VPS8: variants seen among roughly 807,000 people sequenced by gnomAD.
VPS8 encodes the protein VPS8 subunit of CORVET complex.
In VPS8, 129 loss-of-function variants were observed where a neutral mutation model predicts 216.4. That is an observed-to-expected ratio of 0.60 (90% CI 0.52 to 0.69). VPS8 has a LOEUF of 0.69. VPS8 is among the 30% of genes least tolerant of loss of function. The pLI is 0.00. For missense variants in VPS8, 1,531 were observed against 1,683.5 expected, an observed-to-expected ratio of 0.91 and a Z score of 1.59; for synonymous variants, 571 against 565.4, an observed-to-expected ratio of 1.01 and a Z score of -0.14.
intron 8 of VPS8, among the ~76,000 whole-genome samples, chr3:184,845,040 TA>T (rs1313689704): frequency 6.6e-6 from 1 of 152,238 alleles, no homozygotes; most frequent in Non-Finnish European, 1.5e-5. Flanking sequence ...TTGACAGTAG[TA>T]ACCAAATATA....
At chr3:184,951,401 C>T (rs576179628) in intron 36 of VPS8, among the ~76,000 whole-genome samples, 4 of 151,620 alleles carry the variant, frequency 2.6e-5, no homozygotes, top group Non-Finnish European at 4.4e-5. Context: ...GGGAGGATCA[C>T]TGGAGCCCAG....
chr3:185,028,204 A>G (rs1239803339), intron 46 of VPS8, among the ~76,000 whole-genome samples: 1 of 152,172 alleles, frequency 6.6e-6, no homozygotes, highest in South Asian at 2.1e-4. Context: ...TACATAGCAC[A>G]TACTTATTAT....
chr3:184,955,496 C>T (rs998494932), intron 36 of VPS8, among the ~76,000 whole-genome samples: 2 of 151,930 alleles, frequency 1.3e-5, no homozygotes, highest in Admixed American at 6.6e-5. Flanking sequence ...ACCCTGCGCC[C>T]CCTCGTCTTG....
intron 40 of VPS8, among the ~76,000 whole-genome samples, chr3:184,977,583 G>C (rs906701279): frequency 1.3e-5 from 2 of 152,024 alleles, no homozygotes; most frequent in Non-Finnish European, 2.9e-5. Flanking sequence ...TTTATACTCT[G>C]AGGTCTTACA....
chr3:184,817,444 G>A (rs1716576811), intron 1 of VPS8: 1 of 152,148 alleles, frequency 6.6e-6, no homozygotes, highest in African/African-American at 2.4e-5. Flanking sequence ...ATTACAATGT[G>A]GTAAGTGTAG....
At position 185,051,949 on chromosome 3, in the gene VPS8, C is replaced by T; in HGVS notation, c.4211C>T (p.Ala1404Val). ...AGGCCATTCAGTGGCTCGCAGAGTGCTCCTGCTTTCAACAGCATCTTCCAG... is the reference window on the plus strand; with the variant it reads ...AGGCCATTCAGTGGCTCGCAGAGTGTTCCTGCTTTCAACAGCATCTTCCAG... Reference protein sequence around the residue: ...SYRPFSGSQSAPAFNSIFQNE... With the variant: ...SYRPFSGSQSVPAFNSIFQNE... The change falls in exon 48 of 48, where the codon GCT becomes GTT. Residue 1404 changes from alanine (A) to valine (V), a missense_variant. Around this residue, in one of 3 missense-constraint regions of VPS8, gnomAD observed 1,318 missense variants for 1,468.4 expected, o/e 0.90. Coordinates refer to ENST00000625842, the MANE Select transcript of VPS8 (RefSeq NM_001009921.3). 6.2e-7 allele frequency: 1 copy of T among 1,613,600 alleles called. No individual in the cohort carries two copies. Among genetic ancestry groups the T allele is most frequent in the Non-Finnish European group, 8.5e-7 (1 of 1,179,758 alleles).
intron 4 of VPS8, among the ~76,000 whole-genome samples, chr3:184,833,911 T>G (rs1720524157): frequency 6.6e-6 from 1 of 152,240 alleles, no homozygotes; most frequent in East Asian, 1.9e-4. Flanking sequence ...ACATTTATCC[T>G]TTAGAGTTAC....
intron 35 of VPS8, among the ~76,000 whole-genome samples, chr3:184,939,288 A>G (rs1335060684): frequency 6.6e-6 from 1 of 152,062 alleles, no homozygotes; most frequent in African/African-American, 2.4e-5. Context: ...TAGTGAAAAA[A>G]TAGAAAATCA....
chr3:184,970,521 G>A (rs1748234509), intron 39 of VPS8, among the ~76,000 whole-genome samples: 1 of 152,148 alleles, frequency 6.6e-6, no homozygotes, highest in Admixed American at 6.5e-5. Context: ...GGATAAATAG[G>A]AGTTTGATAG....
At chr3:184,943,284 G>GA (rs1292295693) in intron 36 of VPS8, among the ~76,000 whole-genome samples, 2 of 152,174 alleles carry the variant, frequency 1.3e-5, no homozygotes, top group Non-Finnish European at 2.9e-5. Flanking sequence ...AAAAGATGGG[G>GA]AAAAAACTCA....
At chr3:184,841,960 G>A (rs1439318482) in intron 7 of VPS8, among the ~76,000 whole-genome samples, 1 of 152,108 alleles carries the variant, frequency 6.6e-6, no homozygotes. Context: ...GAACTAAGGT[G>A]AATGAGAATA....
intron 41 of VPS8, 94 bp from the exon 42 acceptor site, chr3:184,982,918 G>A: frequency 8.9e-7 from 1 of 1,126,502 alleles, no homozygotes; most frequent in South Asian, 2.0e-5. Flanking sequence ...TTTCTAAGAA[G>A]CTATATAAAT....
intron 35 of VPS8, among the ~76,000 whole-genome samples, chr3:184,939,323 T>A (rs1742223949): frequency 6.6e-6 from 1 of 152,094 alleles, no homozygotes; most frequent in Non-Finnish European, 1.5e-5. Flanking sequence ...AATATATTTT[T>A]AAATCATATT....
chr3:184,929,125 A>G (rs887622192), intron 32 of VPS8, among the ~76,000 whole-genome samples: 3 of 152,222 alleles, frequency 2.0e-5, no homozygotes, highest in Admixed American at 6.5e-5. Flanking sequence ...GTTAACGGCA[A>G]ATACTCATCT....
At chr3:184,842,192 A>G (rs1351804845) in intron 7 of VPS8, among the ~76,000 whole-genome samples, 1 of 148,648 alleles carries the variant, frequency 6.7e-6, no homozygotes, top group Admixed American at 6.7e-5. Context: ...GTCTCAAAAA[A>G]AAAAAAAAAA....
chr3:184,975,987 G>A (rs1749199684), intron 40 of VPS8, among the ~76,000 whole-genome samples: 1 of 152,070 alleles, frequency 6.6e-6, no homozygotes, highest in Non-Finnish European at 1.5e-5. Context: ...ATATGCCTTT[G>A]TCCTCCTTCC....
intron 46 of VPS8, among the ~76,000 whole-genome samples, chr3:185,041,749 G>A (rs1364336082): frequency 6.6e-6 from 1 of 152,204 alleles, no homozygotes; most frequent in East Asian, 1.9e-4. Context: ...ACAGAGCTTC[G>A]CAGATTGTGC....
At chr3:185,004,184 G>C (rs542824088) in intron 45 of VPS8, among the ~76,000 whole-genome samples, 131 of 152,230 alleles carry the variant, frequency 8.6e-4, no homozygotes, top group African/African-American at 3.1e-3. Flanking sequence ...CTCCAGCCTG[G>C]GCACCATTGA....
intron 44 of VPS8, among the ~76,000 whole-genome samples, chr3:184,998,095 T>C (rs1752856683): frequency 1.3e-5 from 2 of 152,104 alleles, no homozygotes; most frequent in Admixed American, 6.5e-5. Context: ...TGAAAGAGAC[T>C]TCAGAGGAGC....
Sources: allele counts gnomAD v4.1 joint callset (sites outside exome capture counted in the v4.1 genomes callset), GRCh38; gene constraint gnomAD v4.1.1; regional missense constraint gnomAD v4.1.1; transcripts MANE v1.5; gene names NCBI Gene and HGNC (gene_info 2026-07-23, HGNC 2026-07-21).